Variants in UBE2E2 observed in about 807,000 individuals in gnomAD.
UBE2E2 encodes the protein ubiquitin conjugating enzyme E2 E2.
Under a neutral mutation model 24.7 loss-of-function variants are expected in UBE2E2, and 6 were observed. That is an observed-to-expected ratio of 0.24 (90% confidence interval 0.13 to 0.48). UBE2E2 has a LOEUF of 0.48. UBE2E2 is among the 20% of genes least tolerant of loss of function. UBE2E2 has a pLI of 0.99. For synonymous variants in UBE2E2, 104 were observed against 83.6 expected (o/e 1.24, Z -1.33); for missense variants, 169 against 245.0 (o/e 0.69, Z 2.07).
At chr3:23,388,069 T>C (rs1301239606) in intron 3 of UBE2E2, among the ~76,000 whole-genome samples, 2 of 152,322 alleles carry the variant, frequency 1.3e-5, no homozygotes, top group Non-Finnish European at 2.9e-5. Context: ...TGCTGCTTTT[T>C]CCAAAACACC....
chr3:23,336,343 T>C (rs1403810757), intron 3 of UBE2E2, among the ~76,000 whole-genome samples: 4 of 152,210 alleles, frequency 2.6e-5, no homozygotes, highest in Admixed American at 2.6e-4. Context: ...CTAAAAAATA[T>C]ACTGTATCTG....
intron 3 of UBE2E2, among the ~76,000 whole-genome samples, chr3:23,283,745 C>T (rs1202375913): frequency 6.6e-6 from 1 of 152,038 alleles, no homozygotes; most frequent in South Asian, 2.1e-4. Context: ...AGAGCAAGAC[C>T]CTGTCTCAAA....
chr3:23,250,916 A>G (rs1697557610), intron 3 of UBE2E2, among the ~76,000 whole-genome samples: 1 of 152,156 alleles, frequency 6.6e-6, no homozygotes, highest in African/African-American at 2.4e-5. Context: ...GGCATGCACT[A>G]GCACCATTAT....
intron 3 of UBE2E2, among the ~76,000 whole-genome samples, chr3:23,498,783 T>C (rs992314912): frequency 4.6e-5 from 7 of 152,172 alleles, no homozygotes; most frequent in Admixed American, 2.6e-4. Context: ...GAGCCCATTC[T>C]TAGGATTAGC....
intron 3 of UBE2E2, among the ~76,000 whole-genome samples, chr3:23,305,170 G>T (rs1699206409): frequency 6.6e-6 from 1 of 152,150 alleles, no homozygotes; most frequent in Non-Finnish European, 1.5e-5. Context: ...CCATGGGAAA[G>T]TCTTGTTCAG....
At chr3:23,488,705 C>A (rs1222473928) in intron 3 of UBE2E2, among the ~76,000 whole-genome samples, 1 of 152,026 alleles carries the variant, frequency 6.6e-6, no homozygotes, top group Non-Finnish European at 1.5e-5. Context: ...AATGGTTTAC[C>A]CTCTTGTCAG....
At chr3:23,364,733 A>G (rs1222685572) in intron 3 of UBE2E2, among the ~76,000 whole-genome samples, 1 of 152,194 alleles carries the variant, frequency 6.6e-6, no homozygotes, top group African/African-American at 2.4e-5. Flanking sequence ...AACTGCTCCT[A>G]CAAATTGAGG....
chr3:23,418,960 T>A (rs1697723258), intron 3 of UBE2E2, among the ~76,000 whole-genome samples: 1 of 151,136 alleles, frequency 6.6e-6, no homozygotes, highest in Admixed American at 6.6e-5. Flanking sequence ...ATGTTACTTT[T>A]TTTTTTTTTT....
chr3:23,212,852 T>G (rs1559440860), intron 2 of UBE2E2, among the ~76,000 whole-genome samples: 1 of 152,148 alleles, frequency 6.6e-6, no homozygotes, highest in Admixed American at 6.6e-5. Flanking sequence ...TGTCTTAAAA[T>G]CAATGATCTT....
At chr3:23,292,066 A>C (rs9755696) in intron 3 of UBE2E2, among the ~76,000 whole-genome samples, 1 of 151,698 alleles carries the variant, frequency 6.6e-6, no homozygotes, top group African/African-American at 2.4e-5. Flanking sequence ...CACCGTGTTA[A>C]CCAGGATGGT....
chr3:23,555,574 A>G (rs1224695176), intron 5 of UBE2E2, among the ~76,000 whole-genome samples: 1 of 152,346 alleles, frequency 6.6e-6, no homozygotes, highest in Non-Finnish European at 1.5e-5. Context: ...TGTTCATTAC[A>G]GTATTCTTCA....
chr3:23,212,064 A>G (rs1002523096), intron 2 of UBE2E2, among the ~76,000 whole-genome samples: 2 of 152,234 alleles, frequency 1.3e-5, no homozygotes, highest in South Asian at 2.1e-4. Flanking sequence ...GAAATGTACT[A>G]TAATTGTAGA....
intron 1 of UBE2E2, chr3:23,204,851 G>C (rs867470713): frequency 1.4e-6 from 1 of 737,134 alleles, no homozygotes; most frequent in Non-Finnish European, 1.7e-6. Context: ...ATATATGACA[G>C]AATTAAACGC....
At chr3:23,500,687 A>G (rs1005309913) in intron 4 of UBE2E2, among the ~76,000 whole-genome samples, 4 of 152,218 alleles carry the variant, frequency 2.6e-5, no homozygotes, top group Non-Finnish European at 5.9e-5. Context: ...ATGACTTTCT[A>G]TAATTCCCCT....
At chr3:23,387,995 A>G (rs1262887640) in intron 3 of UBE2E2, among the ~76,000 whole-genome samples, 1 of 152,218 alleles carries the variant, frequency 6.6e-6, no homozygotes, top group Non-Finnish European at 1.5e-5. Flanking sequence ...AATAGCCATT[A>G]AAGAGGACAA....
intron 3 of UBE2E2, among the ~76,000 whole-genome samples, chr3:23,360,823 T>G (rs943575119): frequency 6.6e-6 from 1 of 151,822 alleles, no homozygotes; most frequent in Non-Finnish European, 1.5e-5. Context: ...TTCTTTATAA[T>G]TTCTAAATAA....
chr3:23,478,895 TA>T (rs146528904), intron 3 of UBE2E2, among the ~76,000 whole-genome samples: 54,965 of 104,278 alleles, frequency 0.53, 11,356 homozygotes, highest in East Asian at 0.67. Context: ...TATATATATA[TA>T]TTTTTTTTTT....
intron 3 of UBE2E2, among the ~76,000 whole-genome samples, chr3:23,276,345 A>C (rs902713027): frequency 1.3e-5 from 2 of 152,170 alleles, no homozygotes; most frequent in Non-Finnish European, 2.9e-5. Flanking sequence ...AAAGTTGAAT[A>C]CTAGAAAACT....
At chr3:23,398,239 G>C (rs1037414292) in intron 3 of UBE2E2, among the ~76,000 whole-genome samples, 13 of 150,464 alleles carry the variant, frequency 8.6e-5, no homozygotes, top group African/African-American at 2.7e-4. Context: ...CTTGAACCTG[G>C]GAGGCAGAGG....
Sources: allele counts gnomAD v4.1 joint callset (sites outside exome capture counted in the v4.1 genomes callset), GRCh38; gene constraint gnomAD v4.1.1; transcripts MANE v1.5; gene names NCBI Gene and HGNC (gene_info 2026-07-23, HGNC 2026-07-21).